ZHX2: variants seen among roughly 807,000 people sequenced by gnomAD.
ZHX2 encodes the protein zinc fingers and homeoboxes 2.
A neutral mutation model predicts 21.9 loss-of-function variants in ZHX2; 6 were observed. That is an observed-to-expected ratio of 0.27 (90% CI 0.15 to 0.54). The LOEUF (loss-of-function observed/expected upper bound fraction) is 0.54. Among genes scored for constraint, ZHX2 ranks in the 20% least tolerant of loss-of-function variants. The pLI, the probability that ZHX2 is intolerant of heterozygous loss-of-function variation, is 0.95. For synonymous variants in ZHX2, 434 were observed against 437.1 expected (o/e 0.99, Z 0.09); for missense variants, 908 against 1,090.7 (o/e 0.83, Z 2.36).
At chr8:122,884,092 T>C (rs11994782) in intron 2 of ZHX2, among the ~76,000 whole-genome samples, 1,918 of 152,358 alleles carry the variant, frequency 0.013, 19 homozygotes, top group Middle Eastern at 0.037. Context: ...CTGTACAGCA[T>C]GTTACTGTAC....
chr8:122,793,317 C>T lies in ZHX2; in HGVS notation c.-283+11371C>T, dbSNP rs1038713669. ...AGGAAGTGGCCTGGGATGAAGGAAA[C>T]TGGACATCCAGGCCCTCTTCAGCCC... On this transcript the variant is annotated intron_variant, in intron 1 of 3. Transcript: ENST00000314393. 4.6e-5 allele frequency among the ~76,000 whole-genome samples: 7 copies of T among 152,304 alleles called. No individual in the cohort carries two copies. The South Asian group carries it at 6.2e-4, about 14-fold the overall frequency.
chr8:122,807,127 G>A (rs1425826681), intron 1 of ZHX2, among the ~76,000 whole-genome samples: 1 of 152,190 alleles, frequency 6.6e-6, no homozygotes, highest in Non-Finnish European at 1.5e-5. Flanking sequence ...TGTTGTCGTT[G>A]TTGGATCATC....
chr8:122,856,306 G>A (rs1819020865), intron 1 of ZHX2, among the ~76,000 whole-genome samples: 2 of 152,106 alleles, frequency 1.3e-5, no homozygotes, highest in Admixed American at 1.3e-4. Flanking sequence ...AAGGAGGGAG[G>A]CAGACACACC....
At chr8:122,807,198 A>C (rs1283149194) in intron 1 of ZHX2, among the ~76,000 whole-genome samples, 1 of 152,232 alleles carries the variant, frequency 6.6e-6, no homozygotes, top group Non-Finnish European at 1.5e-5. Flanking sequence ...AATTGAATGA[A>C]TGAACCATTG....
intron 1 of ZHX2, among the ~76,000 whole-genome samples, chr8:122,849,141 T>A (rs1285953798): frequency 6.6e-6 from 1 of 152,090 alleles, no homozygotes; most frequent in Non-Finnish European, 1.5e-5. Flanking sequence ...GATAGTGGGG[T>A]GGGCCTCTGG....
At chr8:122,868,970 TG>T (rs965746879) in intron 2 of ZHX2, among the ~76,000 whole-genome samples, 2 of 152,198 alleles carry the variant, frequency 1.3e-5, no homozygotes, top group African/African-American at 2.4e-5. Flanking sequence ...TTAGGACTCC[TG>T]GGTTATTGAG....
intron 1 of ZHX2, among the ~76,000 whole-genome samples, chr8:122,847,780 C>G (rs1418452559): frequency 6.6e-6 from 1 of 152,190 alleles, no homozygotes; most frequent in Non-Finnish European, 1.5e-5. Flanking sequence ...GCACCCAGCA[C>G]CACACTCTCC....
At chr8:122,918,554 A>G (rs1381877105) in intron 2 of ZHX2, among the ~76,000 whole-genome samples, 1 of 152,160 alleles carries the variant, frequency 6.6e-6, no homozygotes, top group Non-Finnish European at 1.5e-5. Flanking sequence ...TTCTTGGCCA[A>G]GACATATTTT....
At chr8:122,860,703 A>C (rs1819144217) in intron 1 of ZHX2, among the ~76,000 whole-genome samples, 1 of 152,146 alleles carries the variant, frequency 6.6e-6, no homozygotes, top group African/African-American at 2.4e-5. Context: ...TCTTCATCAG[A>C]AGTTACAGGT....
At chr8:122,815,795 T>C (rs1418157513) in intron 1 of ZHX2, 1 of 152,244 alleles carries the variant, frequency 6.6e-6, no homozygotes. Flanking sequence ...GTCTTATTTT[T>C]AAAAATTGCC....
intron 2 of ZHX2, among the ~76,000 whole-genome samples, chr8:122,917,701 A>T (rs1051203650): frequency 6.6e-6 from 1 of 152,158 alleles, no homozygotes; most frequent in Non-Finnish European, 1.5e-5. Context: ...CTTCCTAAGG[A>T]TGAGTTACTT....
chr8:122,960,279 C>G (rs1813410689), intron 3 of ZHX2, among the ~76,000 whole-genome samples: 1 of 152,118 alleles, frequency 6.6e-6, no homozygotes, highest in South Asian at 2.1e-4. Context: ...TGGCTCATAC[C>G]TGTAATCCCA....
intron 1 of ZHX2, chr8:122,816,282 T>C (rs1467653042): frequency 6.6e-6 from 1 of 152,152 alleles, no homozygotes. Flanking sequence ...CTGCTGTTGC[T>C]TATTAGACTA....
chr8:122,910,606 A>G (rs1219872548), intron 2 of ZHX2, among the ~76,000 whole-genome samples: 2 of 152,040 alleles, frequency 1.3e-5, no homozygotes, highest in Non-Finnish European at 2.9e-5. Context: ...TTGTTGTGGC[A>G]TTTTTTATGC....
At chr8:122,876,046 T>G (rs902972758) in intron 2 of ZHX2, among the ~76,000 whole-genome samples, 2 of 149,812 alleles carry the variant, frequency 1.3e-5, no homozygotes, top group Non-Finnish European at 3.0e-5. Flanking sequence ...CACCCACCCA[T>G]CCATCCATCC....
At position 122,788,928 on chromosome 8, in the gene ZHX2, C is replaced by A. The variant is rs180711478; in HGVS notation, c.-283+6982C>A. On this transcript the variant is annotated intron_variant, in intron 1 of 3. Coordinates refer to ENST00000314393, the MANE Select transcript of ZHX2 (RefSeq NM_014943.5). ...GTTATCTACAGCTCCCCCAAACCAC[C>A]CCTCCTCAAAAAGAGGCCATTGTAA... is the stretch of plus-strand genomic sequence containing the variant. Among the ~76,000 whole-genome samples, 189 of 152,274 alleles carry A rather than the reference C, an allele frequency of 1.2e-3. 1 individual carries two copies. The highest frequency in any genetic ancestry group is 3.7e-3 in the African/African-American group (154 of 41,554).
intron 3 of ZHX2, among the ~76,000 whole-genome samples, chr8:122,956,407 T>C (rs1335155089): frequency 6.6e-6 from 1 of 152,006 alleles, no homozygotes; most frequent in Non-Finnish European, 1.5e-5. Flanking sequence ...GTGATATGTG[T>C]TACGATGGGG....
chr8:122,801,316 C>A (rs962307413), intron 1 of ZHX2, among the ~76,000 whole-genome samples: 1 of 152,004 alleles, frequency 6.6e-6, no homozygotes, highest in African/African-American at 2.4e-5. Context: ...TGCAAATTTC[C>A]CATAATGACT....
intron 1 of ZHX2, among the ~76,000 whole-genome samples, chr8:122,785,653 A>G (rs1817379378): frequency 6.6e-6 from 1 of 152,218 alleles, no homozygotes; most frequent in African/African-American, 2.4e-5. Context: ...CATTGCTGTC[A>G]TGAGCAAATT....
Sources: gnomAD v4.1 joint callset for allele counts (sites outside exome capture counted in the v4.1 genomes callset) on GRCh38, gnomAD v4.1.1 for gene constraint, MANE v1.5 for transcripts, NCBI Gene and HGNC (gene_info 2026-07-23, HGNC 2026-07-21) for gene names.